Variants in CHST9 observed in about 807,000 individuals in gnomAD.
CHST9 encodes the protein GalNAc-4-sulfotransferase 2.
In CHST9, 41 loss-of-function variants were observed where a neutral mutation model predicts 44.4. The observed-to-expected ratio is 0.92, with a 90% CI of 0.72 to 1.20. CHST9 has a LOEUF of 1.20. Ranked by LOEUF, CHST9 falls within the 50% of genes most tolerant of loss-of-function variation. CHST9 has a pLI of 0.00. For synonymous variants in CHST9, 171 were observed against 178.4 expected (o/e 0.96, Z 0.33); for missense variants, 504 against 516.5 (o/e 0.98, Z 0.23).
At position 27,076,948 on chromosome 18, in the gene CHST9, C is replaced by T. The variant is rs78335657; in HGVS notation, c.122-28445G>A. ...AGAGAGGTGATCTGTCAAATGGACT[C>T]GAGAGGCTTTCATACAAGGCATAAC... On this transcript the variant is annotated intron_variant, in intron 2 of 5. Coordinates refer to ENST00000618847, the MANE Select transcript of CHST9 (RefSeq NM_031422.6). Among the ~76,000 whole-genome samples, 432 of 152,270 alleles carry T rather than the reference C, an allele frequency of 2.8e-3. 3 individuals carry two copies. The highest frequency in any genetic ancestry group is 9.7e-3 in the African/African-American group (402 of 41,562).
intron 4 of CHST9, among the ~76,000 whole-genome samples, chr18:26,988,389 A>G (rs181124595): frequency 2.8e-4 from 43 of 152,326 alleles, no homozygotes; most frequent in Non-Finnish European, 5.0e-4. Flanking sequence ...AAAGAAAGCT[A>G]GAGTTTCTAT....
At chr18:27,116,846 C>T (rs751927468) in intron 2 of CHST9, among the ~76,000 whole-genome samples, 1 of 151,948 alleles carries the variant, frequency 6.6e-6, no homozygotes, top group African/African-American at 2.4e-5. Context: ...GTATTTTATT[C>T]TTTGTAATGC....
intron 5 of CHST9, among the ~76,000 whole-genome samples, chr18:26,919,225 T>C (rs2145052823): frequency 6.6e-6 from 1 of 152,230 alleles, no homozygotes. Flanking sequence ...AGCCAAACCA[T>C]ATCACCCCCT....
intron 4 of CHST9, among the ~76,000 whole-genome samples, chr18:26,954,599 G>A (rs2056296898): frequency 6.6e-6 from 1 of 151,892 alleles, no homozygotes; most frequent in African/African-American, 2.4e-5. Flanking sequence ...TTGGCCTCTT[G>A]TCTTTTGCAC....
chr18:26,974,206 A>G (rs2145176860), intron 4 of CHST9, among the ~76,000 whole-genome samples: 1 of 152,364 alleles, frequency 6.6e-6, no homozygotes, highest in South Asian at 2.1e-4. Context: ...AATGAAAGAA[A>G]TAAGGGACTA....
chr18:27,039,278 T>C (rs985933704), intron 3 of CHST9, among the ~76,000 whole-genome samples: 1 of 152,184 alleles, frequency 6.6e-6, no homozygotes, highest in African/African-American at 2.4e-5. Context: ...CAAGTGCCCA[T>C]TGTTGCATGA....
chr18:26,920,430 C>T (rs2145056207), intron 5 of CHST9, among the ~76,000 whole-genome samples: 1 of 152,288 alleles, frequency 6.6e-6, no homozygotes, highest in South Asian at 2.1e-4. Context: ...TCCTGCAGAA[C>T]CCTGCTTATT....
chr18:27,053,025 A>T (rs1051207124), intron 2 of CHST9, among the ~76,000 whole-genome samples: 1 of 151,420 alleles, frequency 6.6e-6, no homozygotes, highest in African/African-American at 2.4e-5. Context: ...CCATCATGGC[A>T]CAGGTATTCC....
rs1316574702 is a variant in CHST9, at chr18:26,917,344, T to C, written c.247A>G (p.Lys83Glu). 8.7e-6 allele frequency: 14 copies of C among 1,608,716 alleles called. No homozygotes were observed. In the Admixed American group the frequency reaches 2.4e-4, roughly 27 times the overall value. ...CGTACATCCTCAGGCATGTGAAACT[T>C]GGGGTTCTGTTAAAATAAAGAAGGA... ...IQEHITNQNP[K>E]FHMPEDVREK... The change falls in exon 6 of 6, where the codon AAG becomes GAG. Residue 83 changes from lysine (K) to glutamate (E), a missense_variant. Physicochemically the swap from Lys to Glu is moderately conservative, Grantham distance 56. Transcript: ENST00000618847.
intron 4 of CHST9, among the ~76,000 whole-genome samples, chr18:27,012,308 A>G (rs1461052270): frequency 6.6e-6 from 1 of 152,198 alleles, no homozygotes; most frequent in Non-Finnish European, 1.5e-5. Flanking sequence ...GTAGTCGATT[A>G]ACATATATTT....
At chr18:27,138,294 G>T (rs1177855508) in intron 2 of CHST9, among the ~76,000 whole-genome samples, 1 of 152,130 alleles carries the variant, frequency 6.6e-6, no homozygotes, top group Non-Finnish European at 1.5e-5. Context: ...ACATCCAATT[G>T]TTAAGTCTTC....
At chr18:26,919,730 C>CT (rs1433049566) in intron 5 of CHST9, among the ~76,000 whole-genome samples, 1 of 152,104 alleles carries the variant, frequency 6.6e-6, no homozygotes, top group Non-Finnish European at 1.5e-5. Flanking sequence ...CCCCTGTGGC[C>CT]TCTGGACTTT....
chr18:27,001,576 T>A (rs2056953817), intron 4 of CHST9, among the ~76,000 whole-genome samples: 1 of 152,036 alleles, frequency 6.6e-6, no homozygotes, highest in Non-Finnish European at 1.5e-5. Context: ...TTGGCCTGCC[T>A]CTAACTTTGT....
chr18:27,163,436 C>A (rs976387481), intron 1 of CHST9, among the ~76,000 whole-genome samples: 7 of 152,200 alleles, frequency 4.6e-5, no homozygotes, highest in African/African-American at 1.7e-4. Context: ...GGCAGGCAGG[C>A]CTCCTTGAGC....
At chr18:27,144,785 C>A (rs1299816199) in intron 1 of CHST9, among the ~76,000 whole-genome samples, 1 of 152,118 alleles carries the variant, frequency 6.6e-6, no homozygotes, top group Non-Finnish European at 1.5e-5. Context: ...TAGAATTCCT[C>A]ATCTCTTAAA....
intron 1 of CHST9, among the ~76,000 whole-genome samples, chr18:27,151,522 T>A (rs2058659336): frequency 6.6e-6 from 1 of 152,136 alleles, no homozygotes; most frequent in Non-Finnish European, 1.5e-5. Context: ...AATGGAGAAT[T>A]GAGTTTGCAG....
intron 1 of CHST9, among the ~76,000 whole-genome samples, chr18:27,178,334 A>T (rs2058884516): frequency 6.6e-6 from 1 of 152,000 alleles, no homozygotes; most frequent in South Asian, 2.1e-4. Context: ...CGCTTACATT[A>T]AAAAGCTTCT....
intron 4 of CHST9, among the ~76,000 whole-genome samples, chr18:26,979,009 ATTTAT>A (rs539227117): frequency 2.6e-4 from 39 of 151,716 alleles, no homozygotes; most frequent in Middle Eastern, 3.4e-3. Context: ...CGTTTTTTTT[ATTTAT>A]TTTATTTTAT....
chr18:27,112,172 C>T lies in CHST9; in HGVS notation c.121+30517G>A, dbSNP rs184874013. 8.3e-4 allele frequency among the ~76,000 whole-genome samples: 124 copies of T among 149,110 alleles called. 1 individual carries two copies. The East Asian group carries it at 0.023, about 27-fold the overall frequency. ...TTATATTTATACTTATATATACCTA[C>T]ATGTATATATATATGGTATTGGCTC... On this transcript the variant is annotated intron_variant, in intron 2 of 5. Transcript: ENST00000618847.
Sources: allele counts gnomAD v4.1 joint callset (sites outside exome capture counted in the v4.1 genomes callset), GRCh38; gene constraint gnomAD v4.1.1; transcripts MANE v1.5; gene names NCBI Gene and HGNC (gene_info 2026-07-23, HGNC 2026-07-21).